The following ROBO1 variants were observed in gnomAD, a reference collection of about 807,000 sequenced individuals.
ROBO1 encodes the protein roundabout homolog 1.
Under a neutral mutation model 195.9 loss-of-function variants are expected in ROBO1, and 149 were observed. That is an observed-to-expected ratio of 0.76 (90% CI 0.67 to 0.87). The LOEUF (loss-of-function observed/expected upper bound fraction) is 0.87. Ranked by LOEUF, ROBO1 falls within the 40% of genes least tolerant of loss-of-function variation. The probability of loss-of-function intolerance (pLI) is 0.00; values close to 1 mark genes in which losing one functional copy is unlikely to be tolerated. For missense variants in ROBO1, 1,933 were observed against 2,068.3 expected, an observed-to-expected ratio of 0.93 and a Z score of 1.27; for synonymous variants, 816 against 733.2, an observed-to-expected ratio of 1.11 and a Z score of -1.82.
intron 3 of ROBO1, among the ~76,000 whole-genome samples, chr3:79,025,937 CT>C (rs1222879969): frequency 1.3e-5 from 2 of 152,158 alleles, no homozygotes; most frequent in Non-Finnish European, 2.9e-5. Flanking sequence ...CTAGAAAACA[CT>C]TCTTTCTACC....
At chr3:79,247,564 A>C (rs1222128683) in intron 2 of ROBO1, among the ~76,000 whole-genome samples, 2 of 152,002 alleles carry the variant, frequency 1.3e-5, no homozygotes, top group Admixed American at 1.3e-4. Context: ...AGGAAAAGCA[A>C]TAACGGAATC....
At chr3:79,399,221 C>A (rs1330275487) in intron 2 of ROBO1, among the ~76,000 whole-genome samples, 2 of 151,690 alleles carry the variant, frequency 1.3e-5, no homozygotes, top group Non-Finnish European at 2.9e-5. Context: ...CCTAAAGAGT[C>A]ATAGTCAGAT....
chr3:78,671,198 T>A (rs926358018), intron 10 of ROBO1, among the ~76,000 whole-genome samples: 8 of 152,206 alleles, frequency 5.3e-5, no homozygotes, highest in Non-Finnish European at 1.2e-4. Flanking sequence ...AAGTCTTTTT[T>A]AGGGGAAAAC....
intron 7 of ROBO1, among the ~76,000 whole-genome samples, chr3:78,716,754 C>T (rs1386625323): frequency 2.0e-5 from 3 of 152,088 alleles, no homozygotes; most frequent in African/African-American, 7.2e-5. Context: ...TGACAGTACC[C>T]GAAAGCCTTT....
intron 3 of ROBO1, among the ~76,000 whole-genome samples, chr3:79,010,460 A>G (rs770804479): frequency 1.4e-4 from 21 of 152,068 alleles, no homozygotes; most frequent in Non-Finnish European, 2.8e-4. Flanking sequence ...TGTCAAGCAG[A>G]TAACAACACT....
intron 4 of ROBO1, among the ~76,000 whole-genome samples, chr3:78,927,405 C>T (rs2039282068): frequency 6.6e-6 from 1 of 152,102 alleles, no homozygotes; most frequent in Non-Finnish European, 1.5e-5. Context: ...AAAATGTCTA[C>T]CCAAAACATT....
chr3:79,223,907 T>C (rs2082183675), intron 2 of ROBO1, among the ~76,000 whole-genome samples: 1 of 152,224 alleles, frequency 6.6e-6, no homozygotes, highest in Non-Finnish European at 1.5e-5. Flanking sequence ...AGCCTTTTCA[T>C]ATAGCCAATA....
chr3:79,744,002 A>T (rs1050374178), intron 1 of ROBO1, among the ~76,000 whole-genome samples: 1 of 152,214 alleles, frequency 6.6e-6, no homozygotes. Flanking sequence ...AACAGTAAAG[A>T]GTATAGTATA....
At chr3:78,679,643 G>A (rs1286580780) in intron 10 of ROBO1, among the ~76,000 whole-genome samples, 1 of 152,146 alleles carries the variant, frequency 6.6e-6, no homozygotes, top group Non-Finnish European at 1.5e-5. Context: ...CCTCTTCAAG[G>A]AGAACTACAA....
In ROBO1 at chr3:79,333,249, C is replaced by T. The variant is rs189869726; in HGVS notation, c.89-207710G>A. 4.6e-5 allele frequency among the ~76,000 whole-genome samples: 7 copies of T among 151,422 alleles called. No homozygotes were observed. The East Asian group carries it at 1.4e-3, about 29-fold the overall frequency. On this transcript the variant is annotated intron_variant, in intron 2 of 30. Coordinates refer to ENST00000464233, the MANE Select transcript of ROBO1 (RefSeq NM_002941.4). The stretch of plus-strand genomic sequence containing the variant: ...AAAAGAAAAAAATCAATTATGATCA[C>T]GAAGATTTTCTTCTTGATTATTTTT...
At chr3:78,742,402 A>AC (rs1364488118) in intron 5 of ROBO1, among the ~76,000 whole-genome samples, 1 of 152,102 alleles carries the variant, frequency 6.6e-6, no homozygotes, top group Non-Finnish European at 1.5e-5. Flanking sequence ...TAAAAAAAAA[A>AC]CTGGAAATAA....
intron 1 of ROBO1, among the ~76,000 whole-genome samples, chr3:79,683,299 C>A (rs146607384): frequency 6.6e-6 from 1 of 152,078 alleles, no homozygotes; most frequent in African/African-American, 2.4e-5. Flanking sequence ...AAGATGCCAA[C>A]ATAATAAGTA....
At chr3:79,182,169 A>G (rs2081352970) in intron 2 of ROBO1, among the ~76,000 whole-genome samples, 1 of 152,172 alleles carries the variant, frequency 6.6e-6, no homozygotes, top group African/African-American at 2.4e-5. Flanking sequence ...TGATGCAACA[A>G]TAAATTTGCG....
chr3:79,726,697 G>T, intron 1 of ROBO1, among the ~76,000 whole-genome samples: 1 of 152,106 alleles, frequency 6.6e-6, no homozygotes, highest in East Asian at 1.9e-4. Context: ...AGGCTTTGCT[G>T]GTGCTTTTAG....
chr3:78,754,801 A>G (rs529517868), intron 4 of ROBO1, among the ~76,000 whole-genome samples: 1 of 152,292 alleles, frequency 6.6e-6, no homozygotes, highest in African/African-American at 2.4e-5. Flanking sequence ...GAATAATGAG[A>G]AACATAATTT....
intron 2 of ROBO1, among the ~76,000 whole-genome samples, chr3:79,435,987 CAG>C (rs1288362641): frequency 1.3e-5 from 2 of 152,110 alleles, no homozygotes; most frequent in Non-Finnish European, 2.9e-5. Context: ...TTGTGAGAAT[CAG>C]AGTCACTCAT....
At chr3:79,578,893 G>A (rs1032859087) in intron 2 of ROBO1, among the ~76,000 whole-genome samples, 3 of 152,124 alleles carry the variant, frequency 2.0e-5, no homozygotes, top group Non-Finnish European at 4.4e-5. Flanking sequence ...TGTTTGCCAC[G>A]TTTGTGGCTT....
intron 4 of ROBO1, among the ~76,000 whole-genome samples, chr3:78,786,686 T>C (rs231606): frequency 0.97 from 147,740 of 152,226 alleles, 71,828 homozygotes; most frequent in East Asian, 1. Context: ...GGCAGTTCCC[T>C]TGCACATGTT....
chr3:78,685,011 C>T lies in ROBO1; in HGVS notation c.1342+735G>A, dbSNP rs1049741101. ...AATTTAGCTTCAGAAGTAAGAAATC[C>T]CTTGCCACTGTCATGGCTTTGGTTC... On this transcript the variant is annotated intron_variant, in intron 10 of 30. Transcript: ENST00000464233. Among the ~76,000 whole-genome samples the T allele has an allele frequency of 5.3e-5, 8 of 151,842 alleles. No homozygotes were observed. In the South Asian group the frequency reaches 6.2e-4, roughly 12 times the overall value.
Sources: gnomAD v4.1 joint callset for allele counts (sites outside exome capture counted in the v4.1 genomes callset) on GRCh38, gnomAD v4.1.1 for gene constraint, MANE v1.5 for transcripts, NCBI Gene and HGNC (gene_info 2026-07-23, HGNC 2026-07-21) for gene names.